EFHC1: variants seen among roughly 807,000 people sequenced by gnomAD.
The protein encoded by EFHC1 is EF-hand domain-containing protein 1.
EFHC1 carries 53 observed loss-of-function variants against 69.9 expected under a neutral mutation model. The observed-to-expected ratio is 0.76, with a 90% CI of 0.61 to 0.95. The LOEUF is 0.95. EFHC1 is among the 40% of genes least tolerant of loss of function. The probability of loss-of-function intolerance (pLI) is 0.00; values close to 1 mark genes in which losing one functional copy is unlikely to be tolerated. For synonymous variants in EFHC1, 256 were observed against 278.4 expected (o/e 0.92, Z 0.80); for missense variants, 739 against 798.7 (o/e 0.93, Z 0.90).
At position 52,454,185 on chromosome 6, in the gene EFHC1, A is replaced by G. The variant is rs753830122; in HGVS notation, c.814A>G (p.Thr272Ala). ...YIIHYYLMDD[T>A]VEIREVHERN... is the part of the protein sequence containing the mutation. ...CATTCATTACTATCTTATGGATGAT[A>G]CGGTGGAAATTCGAGAGGTCCACGA... The change falls in exon 5 of 11, where the codon ACG (threonine) becomes GCG (alanine). Residue 272 changes from threonine to alanine, a missense_variant. Transcript: ENST00000371068. 6 of 1,614,114 alleles carry G rather than the reference A, an allele frequency of 3.7e-6. No individual in the cohort carries two copies. In the African/African-American group the frequency reaches 6.7e-5, roughly 18 times the overall value.
At chr6:52,439,871 T>A (rs879329822) in intron 3 of EFHC1, among the ~76,000 whole-genome samples, 3 of 152,158 alleles carry the variant, frequency 2.0e-5, no homozygotes, top group Non-Finnish European at 4.4e-5. Flanking sequence ...GCTTTTTAGG[T>A]GTCTGAGGTC....
At chr6:52,428,005 T>C (rs1354271880) in intron 2 of EFHC1, among the ~76,000 whole-genome samples, 3 of 152,134 alleles carry the variant, frequency 2.0e-5, no homozygotes, top group Non-Finnish European at 4.4e-5. Flanking sequence ...CAATCTCTAA[T>C]TTCCTCGTCT....
intron 7 of EFHC1, among the ~76,000 whole-genome samples, chr6:52,473,011 C>A (rs1470396088): frequency 6.6e-6 from 1 of 151,924 alleles, no homozygotes; most frequent in East Asian, 1.9e-4. Context: ...TCAAAAAATC[C>A]AAAAATGTTT....
chr6:52,470,253 A>G (rs1765407063), intron 7 of EFHC1, among the ~76,000 whole-genome samples: 1 of 152,208 alleles, frequency 6.6e-6, no homozygotes, highest in Non-Finnish European at 1.5e-5. Flanking sequence ...CTTTAAATAA[A>G]AAGAGAGTTC....
In EFHC1 at chr6:52,493,712, A is replaced by G; in HGVS notation, c.*1371A>G. The G allele has an allele frequency of 2.2e-6, 1 of 453,868 alleles. No individual in the cohort carries two copies. Among genetic ancestry groups the G allele is most frequent in the Non-Finnish European group, 4.4e-6 (1 of 226,748 alleles). The allele number at this position is 453,868 out of a possible 1,614,324, so 28.1% of individuals were successfully genotyped here. Reference sequence around the variant, plus strand: ...TAGAGAGCCTGGCCTTGAGAGAGGAAGGAAAGACTAGTTGCAGTTACTATT... The same window carrying G: ...TAGAGAGCCTGGCCTTGAGAGAGGAGGGAAAGACTAGTTGCAGTTACTATT... On this transcript the variant is annotated 3_prime_UTR_variant, in exon 11 of 11. Transcript: ENST00000371068.
chr6:52,475,449 GTAA>G (rs1405203718), intron 7 of EFHC1, among the ~76,000 whole-genome samples: 1 of 152,178 alleles, frequency 6.6e-6, no homozygotes, highest in Non-Finnish European at 1.5e-5. Flanking sequence ...AAATATGCTG[GTAA>G]ACTCTCTGGG....
rs1360311401 is a variant in EFHC1, at chr6:52,453,934, A to G, written c.724-161A>G. On this transcript the variant is annotated intron_variant, in intron 4 of 10. Transcript: ENST00000371068. Reference sequence around the variant, plus strand: ...AGTACATAATTTCAGATGTTTTAGTATGTTTGATGAATATTTCTTTTTTTT... The same window carrying G: ...AGTACATAATTTCAGATGTTTTAGTGTGTTTGATGAATATTTCTTTTTTTT... The G allele has an allele frequency of 5.3e-6, 8 of 1,496,664 alleles. No homozygotes were observed. In the Admixed American group the frequency reaches 1.4e-4, roughly 26 times the overall value. 92.7% of individuals were successfully genotyped at this position (1,496,664 alleles called of 1,614,324 possible). A position where few individuals can be genotyped will look rare whatever the true frequency, so the allele number is the denominator to read the frequency against.
chr6:52,479,792 GTGTT>G lies in EFHC1; in HGVS notation c.1640+8_1640+11del, dbSNP rs1355187056. ...GCCTGCTCCAGAAGCAGAAAGGTGT[GTGTT>G]TGATTGCTAGGGTTTGGCACACTCA... On this transcript the variant is annotated splice_donor_region_variant and intron_variant, in intron 9 of 10. Coordinates refer to ENST00000371068, the MANE Select transcript of EFHC1 (RefSeq NM_018100.4). 9 of 1,613,770 alleles carry G rather than the reference GTGTT, an allele frequency of 5.6e-6. No individual in the cohort carries two copies. Among genetic ancestry groups the G allele is most frequent in the African/African-American group, 1.3e-5 (1 of 74,924 alleles).
chr6:52,442,038 T>A (rs115123834), intron 3 of EFHC1, among the ~76,000 whole-genome samples: 1 of 152,136 alleles, frequency 6.6e-6, no homozygotes. Context: ...GAATCATGTT[T>A]TCTCCAAACA....
At chr6:52,463,215 T>C (rs866827116) in intron 5 of EFHC1, among the ~76,000 whole-genome samples, 42 of 147,674 alleles carry the variant, frequency 2.8e-4, no homozygotes, top group Middle Eastern at 3.4e-3. Context: ...TTTTTTTGTA[T>C]TTTTAGTAGA....
At chr6:52,482,875 A>G in intron 9 of EFHC1, 1 of 398,504 alleles carries the variant, frequency 2.5e-6, no homozygotes, top group Non-Finnish European at 4.4e-6. Flanking sequence ...TCTCTTCTAT[A>G]ACTCTATTTA....
At chr6:52,455,748 C>T (rs1033272363) in intron 5 of EFHC1, among the ~76,000 whole-genome samples, 2 of 152,110 alleles carry the variant, frequency 1.3e-5, no homozygotes, top group Non-Finnish European at 1.5e-5. Flanking sequence ...CTAAATTCAA[C>T]GTGTCTGTAC....
chr6:52,432,571 T>G (rs1243842873), intron 2 of EFHC1, among the ~76,000 whole-genome samples: 1 of 152,190 alleles, frequency 6.6e-6, no homozygotes, highest in Non-Finnish European at 1.5e-5. Context: ...GCTGAGAAAC[T>G]GCTATTAATC....
At position 52,492,764 on chromosome 6, in the gene EFHC1, G is replaced by C; in HGVS notation, c.*423G>C. The stretch of plus-strand genomic sequence containing the variant: ...CCAGTAGCTGGGACAACAGGCTCAA[G>C]CCACCATGCCCAGCTAATTTTTAAA... On this transcript the variant is annotated 3_prime_UTR_variant, in exon 11 of 11. Coordinates refer to ENST00000371068, the MANE Select transcript of EFHC1 (RefSeq NM_018100.4). The C allele has an allele frequency of 2.3e-6, 1 of 443,332 alleles. No individual in the cohort carries two copies. The highest frequency in any genetic ancestry group is 4.5e-6 in the Non-Finnish European group (1 of 221,756). 27.5% of individuals were successfully genotyped at this position (443,332 alleles called of 1,614,324 possible). A position where few individuals can be genotyped will look rare whatever the true frequency, so the allele number is the denominator to read the frequency against.
intron 2 of EFHC1, among the ~76,000 whole-genome samples, chr6:52,432,489 C>T (rs1204947651): frequency 6.6e-6 from 1 of 152,090 alleles, no homozygotes; most frequent in African/African-American, 2.4e-5. Context: ...ATACAAAATT[C>T]TTGGCTGATA....
intron 7 of EFHC1, 30 bp downstream of exon 7, chr6:52,469,503 C>A: frequency 1.2e-6 from 2 of 1,611,558 alleles, no homozygotes; most frequent in Non-Finnish European, 1.7e-6. Flanking sequence ...ACTAAAGATT[C>A]TCTTCTATCT....
At chr6:52,425,667 A>G (rs1251306559) in intron 2 of EFHC1, among the ~76,000 whole-genome samples, 1 of 152,184 alleles carries the variant, frequency 6.6e-6, no homozygotes, top group African/African-American at 2.4e-5. Context: ...CAATTTCTAG[A>G]TAAATGAGCC....
At position 52,496,218 on chromosome 6, in the gene EFHC1, A is replaced by ACC. The variant is rs1221716877; in HGVS notation, c.*3878_*3879insCC. 817 of 156,372 alleles carry ACC rather than the reference A, an allele frequency of 5.2e-3. 7 individuals carry two copies. Among genetic ancestry groups the ACC allele is most frequent in the African/African-American group, 0.019 (772 of 41,508 alleles). The allele number at this position is 156,372 out of a possible 1,614,324, so 9.7% of individuals were successfully genotyped here. A position where few individuals can be genotyped will look rare whatever the true frequency, so the allele number is the denominator to read the frequency against. On this transcript the variant is annotated 3_prime_UTR_variant, in exon 11 of 11. Transcript: ENST00000371068. Reference sequence around the variant, plus strand: ...AATACACACACACACCCACACACACACACACACAAAGAGAGAATGAGAATT... The same window carrying ACC: ...AATACACACACACACCCACACACACACCCACACACAAAGAGAGAATGAGAATT...
rs1158622298 is a variant in EFHC1, at chr6:52,465,176, GA to G, written c.1137+68del. The G allele has an allele frequency of 1.3e-5, 18 of 1,410,354 alleles. No homozygotes were observed. In the East Asian group the frequency reaches 2.8e-4, roughly 22 times the overall value. The allele number at this position is 1,410,354 out of a possible 1,614,324, so 87.4% of individuals were successfully genotyped here. A position where few individuals can be genotyped will look rare whatever the true frequency, so the allele number is the denominator to read the frequency against. ...CTAATTTTTTGAGGTAGAAATTTAAGAAAAAAAGACTTCTATGCAAATATTC... is the reference window on the plus strand; with the variant it reads ...CTAATTTTTTGAGGTAGAAATTTAAGAAAAAAGACTTCTATGCAAATATTC... On this transcript the variant is annotated intron_variant, in intron 6 of 10. Coordinates refer to ENST00000371068, the MANE Select transcript of EFHC1 (RefSeq NM_018100.4).
Sources: gnomAD v4.1 joint callset for allele counts (sites outside exome capture counted in the v4.1 genomes callset) on GRCh38, gnomAD v4.1.1 for gene constraint, MANE v1.5 for transcripts, NCBI Gene and HGNC (gene_info 2026-07-23, HGNC 2026-07-21) for gene names.